The following SDK1 variants were observed in gnomAD, a reference collection of about 807,000 sequenced individuals.
The protein encoded by SDK1 is sidekick cell adhesion molecule 1.
In SDK1, 157 loss-of-function variants were observed where a neutral mutation model predicts 245.5. The ratio of observed to expected loss-of-function variants is 0.64; its 90% CI spans 0.56 to 0.73. The LOEUF (loss-of-function observed/expected upper bound fraction) is 0.73, where lower values mean the gene tolerates loss of function less well. Among genes scored for constraint, SDK1 ranks in the 30% least tolerant of loss-of-function variants. The pLI is 0.00. For missense variants in SDK1, 3,583 were observed against 3,002.3 expected, an observed-to-expected ratio of 1.19 and a Z score of -4.52; for synonymous variants, 1,647 against 1,278.5, an observed-to-expected ratio of 1.29 and a Z score of -6.15.
chr7:3,466,197 T>C (rs1021614543), intron 1 of SDK1, among the ~76,000 whole-genome samples: 2 of 151,662 alleles, frequency 1.3e-5, no homozygotes, highest in African/African-American at 4.8e-5. Context: ...CATCGAGTTA[T>C]TGGAATAGGG....
intron 4 of SDK1, among the ~76,000 whole-genome samples, chr7:3,657,151 G>A (rs1303993340): frequency 6.6e-6 from 1 of 152,196 alleles, no homozygotes; most frequent in East Asian, 1.9e-4. Flanking sequence ...GTGCTTGGAG[G>A]TCAAGAAGAG....
rs568067584 is a variant in SDK1, at chr7:4,081,939, C to T, written c.3324+2355C>T. Among the ~76,000 whole-genome samples, 10 of 152,310 alleles carry T rather than the reference C, an allele frequency of 6.6e-5. No homozygotes were observed. The East Asian group carries it at 1.9e-3, about 29-fold the overall frequency. ...CACATGTGTCTAAAATGCCTGTTCA[C>T]ATGCCAATATGGATGAATTTCACAG... On this transcript the variant is annotated intron_variant, in intron 22 of 44. Transcript: ENST00000404826.
Position 4,267,886 on chromosome 7 carries a change from A to C in SDK1, c.*2502A>C. 1 of 985,514 alleles carries C rather than the reference A, an allele frequency of 1.0e-6. No individual in the cohort carries two copies. The highest frequency in any genetic ancestry group is 5.2e-4 in the Middle Eastern group (1 of 1,914). The allele number at this position is 985,514 out of a possible 1,614,324, so 61.0% of individuals were successfully genotyped here. On this transcript the variant is annotated 3_prime_UTR_variant, in exon 45 of 45. Coordinates refer to ENST00000404826, the MANE Select transcript of SDK1 (RefSeq NM_152744.4). ...CCATGCCTCGGAGGGACTCTGTCCC[A>C]TGAGAACCACCTGTGCAAAGGAACA...
Position 4,092,322 on chromosome 7 carries a change from G to T in SDK1, c.3324+12738G>T, listed in dbSNP as rs140781892. On this transcript the variant is annotated intron_variant, in intron 22 of 44. Coordinates refer to ENST00000404826, the MANE Select transcript of SDK1 (RefSeq NM_152744.4). ...TCTGTGCTCGCCTACCCCCTGTCCCGTGGTCCTCCCAGGACGCCTGGTTCT... is the reference window on the plus strand; with the variant it reads ...TCTGTGCTCGCCTACCCCCTGTCCCTTGGTCCTCCCAGGACGCCTGGTTCT... 2.1e-3 allele frequency among the ~76,000 whole-genome samples: 314 copies of T among 152,150 alleles called. 1 individual carries two copies. The highest frequency in any genetic ancestry group is 3.5e-3 in the Non-Finnish European group (240 of 68,000).
chr7:3,734,054 A>T (rs1779254053), intron 4 of SDK1, among the ~76,000 whole-genome samples: 1 of 152,202 alleles, frequency 6.6e-6, no homozygotes, highest in South Asian at 2.1e-4. Context: ...TGTGCCCTGG[A>T]CCCACAGCTC....
At chr7:4,253,071 C>A (rs963399027) in intron 44 of SDK1, among the ~76,000 whole-genome samples, 1 of 152,020 alleles carries the variant, frequency 6.6e-6, no homozygotes, top group Non-Finnish European at 1.5e-5. Context: ...TTCATCTTTG[C>A]AAAGAACCAA....
At chr7:3,361,149 TC>T (rs1429176563) in intron 1 of SDK1, among the ~76,000 whole-genome samples, 1 of 152,186 alleles carries the variant, frequency 6.6e-6, no homozygotes, top group Non-Finnish European at 1.5e-5. Flanking sequence ...TGTAGTTTTT[TC>T]TATATTACAA....
intron 1 of SDK1, among the ~76,000 whole-genome samples, chr7:3,539,794 T>G (rs1367309780): frequency 6.6e-6 from 1 of 152,164 alleles, no homozygotes; most frequent in African/African-American, 2.4e-5. Flanking sequence ...AACTCAGTGC[T>G]TACAGGATCC....
intron 1 of SDK1, among the ~76,000 whole-genome samples, chr7:3,533,526 A>C (rs1156887298): frequency 6.6e-6 from 1 of 152,232 alleles, no homozygotes; most frequent in Non-Finnish European, 1.5e-5. Flanking sequence ...TATCAACCGA[A>C]TATATTTAAG....
Position 3,972,670 on chromosome 7 carries a change from T to C in SDK1, c.1817+1102T>C, listed in dbSNP as rs924208500. The stretch of plus-strand genomic sequence containing the variant: ...AGACTACTCAAGATGCCCTGCTGCT[T>C]TCTGGGGCCTCTCACCCCGAGCAGA... On this transcript the variant is annotated intron_variant, in intron 12 of 44. Coordinates refer to ENST00000404826, the MANE Select transcript of SDK1 (RefSeq NM_152744.4). Among the ~76,000 whole-genome samples, 6 of 152,176 alleles carry C rather than the reference T, an allele frequency of 3.9e-5. No individual in the cohort carries two copies. In the South Asian group the frequency reaches 1.2e-3, roughly 32 times the overall value.
intron 3 of SDK1, among the ~76,000 whole-genome samples, chr7:3,639,500 G>T (rs528818146): frequency 6.6e-6 from 1 of 152,126 alleles, no homozygotes; most frequent in African/African-American, 2.4e-5. Flanking sequence ...TTCCAGTGAC[G>T]ATTTGTTTAG....
chr7:3,430,493 A>G (rs539540291), intron 1 of SDK1, among the ~76,000 whole-genome samples: 1 of 152,044 alleles, frequency 6.6e-6, no homozygotes, highest in Non-Finnish European at 1.5e-5. Flanking sequence ...TCTGTGACCT[A>G]GAGGTCACTT....
intron 1 of SDK1, among the ~76,000 whole-genome samples, chr7:3,366,089 C>A (rs1427105399): frequency 1.3e-5 from 2 of 149,882 alleles, no homozygotes; most frequent in African/African-American, 2.5e-5. Flanking sequence ...AGATATTTTA[C>A]CGATTCGATG....
At chr7:3,377,076 C>G (rs1474778573) in intron 1 of SDK1, among the ~76,000 whole-genome samples, 2 of 152,196 alleles carry the variant, frequency 1.3e-5, no homozygotes, top group Non-Finnish European at 2.9e-5. Flanking sequence ...TTGGCAATTA[C>G]TTTTGCAAAA....
intron 1 of SDK1, among the ~76,000 whole-genome samples, chr7:3,509,888 G>T (rs1251675459): frequency 6.6e-6 from 1 of 152,176 alleles, no homozygotes; most frequent in East Asian, 1.9e-4. Context: ...CTGCACGTTA[G>T]AATCACCTAG....
intron 14 of SDK1, among the ~76,000 whole-genome samples, chr7:4,003,151 A>G (rs1454691521): frequency 6.6e-6 from 1 of 152,278 alleles, no homozygotes; most frequent in Non-Finnish European, 1.5e-5. Context: ...GTGCCTGGGC[A>G]CACGCATGTG....
chr7:3,610,929 G>C (rs1489216572), intron 1 of SDK1, among the ~76,000 whole-genome samples: 1 of 152,224 alleles, frequency 6.6e-6, no homozygotes. Context: ...TCCCACACTT[G>C]TTAGTCAGAT....
chr7:3,755,645 T>A (rs368655979), intron 4 of SDK1, among the ~76,000 whole-genome samples: 1 of 152,118 alleles, frequency 6.6e-6, no homozygotes, highest in Non-Finnish European at 1.5e-5. Context: ...AAGTTCTCCG[T>A]GTCGTTCATT....
intron 1 of SDK1, among the ~76,000 whole-genome samples, chr7:3,581,541 G>A (rs564903645): frequency 3.9e-5 from 6 of 152,264 alleles, no homozygotes; most frequent in East Asian, 3.9e-4. Flanking sequence ...CTTACACACC[G>A]TTGTGGGGAG....
Sources: allele counts gnomAD v4.1 joint callset (sites outside exome capture counted in the v4.1 genomes callset), GRCh38; gene constraint gnomAD v4.1.1; transcripts MANE v1.5; gene names NCBI Gene and HGNC (gene_info 2026-07-23, HGNC 2026-07-21).